The following NET1 variants were observed in gnomAD, a reference collection of about 807,000 sequenced individuals.
NET1 encodes neuroepithelial cell-transforming gene 1 protein.
Under a neutral mutation model 61.1 loss-of-function variants are expected in NET1, and 42 were observed. The ratio of observed to expected loss-of-function variants is 0.69; its 90% CI spans 0.54 to 0.89. The LOEUF is 0.89. Ranked by LOEUF, NET1 falls within the 40% of genes least tolerant of loss-of-function variation. The pLI, the probability that NET1 is intolerant of heterozygous loss-of-function variation, is 0.00. For missense variants in NET1, 654 were observed against 747.3 expected (o/e 0.88, Z 1.46); for synonymous variants, 254 against 281.8 (o/e 0.90, Z 0.99).
rs56676146 is a variant in NET1 at position 5,449,532 on chromosome 10, A to G, written c.256-2298A>G. Among the ~76,000 whole-genome samples the G allele has an allele frequency of 0.27, 41,032 of 152,120 alleles. 5,705 individuals carry two copies. The highest frequency in any genetic ancestry group is 0.28 in the Non-Finnish European group (19,356 of 67,978). ...ACCACCAAATACCACTTGGCATAAT[A>G]TGCTGCCACCCTAAAGAGACCACAT... On this transcript the variant is annotated intron_variant, in intron 3 of 11. Transcript: ENST00000355029. This position sits in a 1 kb window ranked among gnomAD's most constrained non-coding sequence, Gnocchi z 4.4.
chr10:5,452,830 AC>A lies in NET1; in HGVS notation c.532-26del. 1.9e-6 allele frequency: 3 copies of A among 1,596,654 alleles called. No individual in the cohort carries two copies. Among genetic ancestry groups the A allele is most frequent in the Non-Finnish European group, 2.6e-6 (3 of 1,172,742 alleles). ...ATAATTTTCCTTTCTCGAAGGAATG[AC>A]CTCTGATGTTTGCTGGATGTTTTTA... On this transcript the variant is annotated intron_variant, in intron 5 of 11. Transcript: ENST00000355029. The surrounding 1 kb of genome is among the most constrained non-coding windows in gnomAD (Gnocchi z 4.0).
Position 5,422,851 on chromosome 10 carries a change from A to G in NET1, c.129-3804A>G, listed in dbSNP as rs1832198215. Among the ~76,000 whole-genome samples, 1 of 152,242 alleles carries G rather than the reference A, an allele frequency of 6.6e-6. No individual in the cohort carries two copies. The highest frequency in any genetic ancestry group is 1.5e-5 in the Non-Finnish European group (1 of 68,046). ...TACATCAGATATTTGACCCAAATAA[A>G]TGAATTGTTTCTATAATAATTTAGT... On this transcript the variant is annotated intron_variant, in intron 1 of 11. Transcript: ENST00000355029. The surrounding 1 kb of genome is among the most constrained non-coding windows in gnomAD (Gnocchi z 4.1).
Position 5,451,323 on chromosome 10 carries a change from C to T in NET1, c.256-507C>T, listed in dbSNP as rs1020431000. On this transcript the variant is annotated intron_variant, in intron 3 of 11. Transcript: ENST00000355029. The surrounding 1 kb of genome is among the most constrained non-coding windows in gnomAD (Gnocchi z 6.1). ...TTGATTGAAAGGTTGTATTTTCTAA[C>T]GGAAGTAGTTAAGAATGAAATGATA... Among the ~76,000 whole-genome samples the T allele has an allele frequency of 2.0e-5, 3 of 151,984 alleles. No individual in the cohort carries two copies. The highest frequency in any genetic ancestry group is 7.2e-5 in the African/African-American group (3 of 41,388).
chr10:5,424,943 T>A lies in NET1; in HGVS notation c.129-1712T>A, dbSNP rs1832235527. On this transcript the variant is annotated intron_variant, in intron 1 of 11. Coordinates refer to ENST00000355029, the MANE Select transcript of NET1 (RefSeq NM_001047160.3). This position sits in a 1 kb window ranked among gnomAD's most constrained non-coding sequence, Gnocchi z 6.1. ...TCCCAACTGAGCAGTCTTGCCTTCT[T>A]ACAATCTATTGTTCACGTTACTTAA... is the stretch of plus-strand genomic sequence containing the variant. 6.6e-6 allele frequency among the ~76,000 whole-genome samples: 1 copy of A among 152,168 alleles called. No homozygotes were observed. The highest frequency in any genetic ancestry group is 2.1e-4 in the South Asian group (1 of 4,830).
rs4881441 is a variant in NET1, at chr10:5,427,478, A to G, written c.195+757A>G. On this transcript the variant is annotated intron_variant, in intron 2 of 11. Coordinates refer to ENST00000355029, the MANE Select transcript of NET1 (RefSeq NM_001047160.3). This position sits in a 1 kb window ranked among gnomAD's most constrained non-coding sequence, Gnocchi z 4.1. ...CCCAGGCTCTGCTCTAACCATGTCAACAGTACCATATGTATCCTTCTATAT... is the reference window on the plus strand; with the variant it reads ...CCCAGGCTCTGCTCTAACCATGTCAGCAGTACCATATGTATCCTTCTATAT... 0.97 allele frequency among the ~76,000 whole-genome samples: 147,694 copies of G among 152,260 alleles called. 71,748 individuals are homozygous for G. Among genetic ancestry groups the G allele is most frequent in the Non-Finnish European group, 1 (67,976 of 68,028 alleles).
chr10:5,436,253 T>A (rs1229257644), intron 3 of NET1, among the ~76,000 whole-genome samples: 520 of 50,650 alleles, frequency 0.01, 20 homozygotes, highest in African/African-American at 0.026. Flanking sequence ...TATATATTTT[T>A]TTTTTTTTTT....
chr10:5,451,926 CA>C lies in NET1; in HGVS notation c.355del (p.Thr119GlnfsTer46). 6.2e-7 allele frequency: 1 copy of C among 1,612,758 alleles called. No individual in the cohort carries two copies. The highest frequency in any genetic ancestry group is 1.3e-5 in the African/African-American group (1 of 74,978). On this transcript the variant is annotated frameshift_variant, in exon 4 of 12. Coordinates refer to ENST00000355029, the MANE Select transcript of NET1 (RefSeq NM_001047160.3). LOFTEE classifies it high-confidence loss of function. This position sits in a 1 kb window ranked among gnomAD's most constrained non-coding sequence, Gnocchi z 6.1. ...VRNGAVRRFGQTIQSFTLRGD... is the reference protein window; with the variant it reads ...VRNGAVRRFGXTIQSFTLRGD... ...AAATGGAGCTGTCAGACGTTTTGGT[CA>C]AACAATACAGGTAAAAAGAGAGGAG...
chr10:5,455,585 T>C lies in NET1; in HGVS notation c.1197+467T>C, dbSNP rs1832783343. On this transcript the variant is annotated intron_variant, in intron 10 of 11. Coordinates refer to ENST00000355029, the MANE Select transcript of NET1 (RefSeq NM_001047160.3). The surrounding 1 kb of genome is among the most constrained non-coding windows in gnomAD (Gnocchi z 6.5). Reference sequence around the variant, plus strand: ...ACGGAATGGTATTTTTGTTTCATCATGCATTTTCAAAAGCCCAATTTATAA... The same window carrying C: ...ACGGAATGGTATTTTTGTTTCATCACGCATTTTCAAAAGCCCAATTTATAA... Among the ~76,000 whole-genome samples, 1 of 152,246 alleles carries C rather than the reference T, an allele frequency of 6.6e-6. No homozygotes were observed. Among genetic ancestry groups the C allele is most frequent in the Non-Finnish European group, 1.5e-5 (1 of 68,038 alleles).
rs1832792864 is a variant in NET1 at position 5,456,129 on chromosome 10, C to T, written c.1240C>T (p.Arg414Trp). 6.2e-7 allele frequency: 1 copy of T among 1,614,078 alleles called. No individual in the cohort carries two copies. Residue 414 changes from arginine to tryptophan, a missense_variant, in exon 11 of 12, where the codon CGG becomes TGG. By Grantham distance (101) the Arg-to-Trp change is moderately radical. Coordinates refer to ENST00000355029, the MANE Select transcript of NET1 (RefSeq NM_001047160.3). This position sits in a 1 kb window ranked among gnomAD's most constrained non-coding sequence, Gnocchi z 7.0. ...FLFQDILVLT[R>W]PVTRNERHSY... ...GTTTCAAGACATCTTGGTTCTGACT[C>T]GGCCCGTCACACGGAACGAACGGCA... is the stretch of plus-strand genomic sequence containing the variant.
chr10:5,450,206 T>G (rs1472248932), intron 3 of NET1, among the ~76,000 whole-genome samples: 1 of 152,220 alleles, frequency 6.6e-6, no homozygotes, highest in Non-Finnish European at 1.5e-5. Context: ...AGTTGATTAT[T>G]TGGTATGAGG....
rs143516043 is a variant in NET1 at position 5,431,400 on chromosome 10, T to C, written c.255+2171T>C. 2.0e-5 allele frequency among the ~76,000 whole-genome samples: 3 copies of C among 152,292 alleles called. No homozygotes were observed. Among genetic ancestry groups the C allele is most frequent in the Admixed American group, 6.5e-5 (1 of 15,306 alleles). On this transcript the variant is annotated intron_variant, in intron 3 of 11. Transcript: ENST00000355029. The surrounding 1 kb of genome is among the most constrained non-coding windows in gnomAD (Gnocchi z 4.9). ...AGAGAGCTGATCCAGTGTGGGTTTT[T>C]TGGGCCATGTACTTACCTCAAAAAG...
chr10:5,418,579 T>C (rs1364645879), intron 1 of NET1, among the ~76,000 whole-genome samples: 1 of 152,160 alleles, frequency 6.6e-6, no homozygotes, highest in Non-Finnish European at 1.5e-5. Context: ...TCAATCTTGA[T>C]CTTTCCAAAG....
chr10:5,436,618 C>T (rs1186181228), intron 3 of NET1, among the ~76,000 whole-genome samples: 1 of 151,966 alleles, frequency 6.6e-6, no homozygotes, highest in Non-Finnish European at 1.5e-5. Context: ...TAATAAATAA[C>T]ATATAAATGA....
At chr10:5,419,984 G>T (rs572208541) in intron 1 of NET1, among the ~76,000 whole-genome samples, 3 of 152,124 alleles carry the variant, frequency 2.0e-5, no homozygotes, top group South Asian at 4.1e-4. Flanking sequence ...TGATGTGTCT[G>T]TCTGTGGATA....
In NET1 at chr10:5,456,877, T is replaced by C; in HGVS notation, c.1674T>C (p.Ser558=). 6.2e-7 allele frequency: 1 copy of C among 1,614,114 alleles called. No individual in the cohort carries two copies. Among genetic ancestry groups the C allele is most frequent in the Non-Finnish European group, 8.5e-7 (1 of 1,180,010 alleles). ...EVDENAYRCG[S]GMQMAEDSKS... is the part of the protein sequence containing the mutation. Reference sequence around the variant, plus strand: ...ATGAAAACGCTTACAGATGTGGCTCTGGCATGCAGATGGCAGAGGACAGCA... The same window carrying C: ...ATGAAAACGCTTACAGATGTGGCTCCGGCATGCAGATGGCAGAGGACAGCA... Residue 558 remains serine (S), a synonymous_variant, in exon 12 of 12, where the codon TCT becomes TCC. Transcript: ENST00000355029. The surrounding 1 kb of genome is among the most constrained non-coding windows in gnomAD (Gnocchi z 7.0).
rs554056329 is a variant in NET1 at position 5,442,522 on chromosome 10, A to G, written c.256-9308A>G. Among the ~76,000 whole-genome samples, 5 of 152,354 alleles carry G rather than the reference A, an allele frequency of 3.3e-5. No individual in the cohort carries two copies. The South Asian group carries it at 6.2e-4, about 19-fold the overall frequency. On this transcript the variant is annotated intron_variant, in intron 3 of 11. Coordinates refer to ENST00000355029, the MANE Select transcript of NET1 (RefSeq NM_001047160.3). ...CTTTACATAACTCAGTTACGTTTAT[A>G]AATTCTAGATGTTCTATAGAAAGAA... is the stretch of plus-strand genomic sequence containing the variant.
In NET1 at chr10:5,446,786, T is replaced by G. The variant is rs1832620064; in HGVS notation, c.256-5044T>G. 6.2e-7 allele frequency: 1 copy of G among 1,607,546 alleles called. No homozygotes were observed. The highest frequency in any genetic ancestry group is 1.3e-5 in the African/African-American group (1 of 74,814). ...GAAGCATGGTGGCACATGATGAGAC[T>G]GGAGGTCTCCTACCTATTAAAAGGA... On this transcript the variant is annotated intron_variant, in intron 3 of 11. Transcript: ENST00000355029. The surrounding 1 kb of genome is among the most constrained non-coding windows in gnomAD (Gnocchi z 5.0).
rs538542403 is a variant in NET1 at position 5,431,033 on chromosome 10, G to A, written c.255+1804G>A. Among the ~76,000 whole-genome samples the A allele has an allele frequency of 9.7e-4, 147 of 151,576 alleles. 1 individual carries two copies. The highest frequency in any genetic ancestry group is 3.2e-3 in the African/African-American group (132 of 41,344). On this transcript the variant is annotated intron_variant, in intron 3 of 11. Transcript: ENST00000355029. This position sits in a 1 kb window ranked among gnomAD's most constrained non-coding sequence, Gnocchi z 4.9. Reference sequence around the variant, plus strand: ...ATTACAGGTGCCCGCCACCACGCCCGGCTAATTTTTTGTATTTTCAGTAGA... The same window carrying A: ...ATTACAGGTGCCCGCCACCACGCCCAGCTAATTTTTTGTATTTTCAGTAGA...
rs148618358 is a variant in NET1 at position 5,445,064 on chromosome 10, A to G, written c.256-6766A>G. Among the ~76,000 whole-genome samples the G allele has an allele frequency of 6.6e-5, 10 of 152,332 alleles. 1 individual carries two copies. The East Asian group carries it at 1.9e-3, about 29-fold the overall frequency. On this transcript the variant is annotated intron_variant, in intron 3 of 11. Transcript: ENST00000355029. ...TGATTTTTGCATGATGTTTTCAGTCATCTTTCAACCATCTTAAACACCAGT... is the reference window on the plus strand; with the variant it reads ...TGATTTTTGCATGATGTTTTCAGTCGTCTTTCAACCATCTTAAACACCAGT...
Sources: gnomAD v4.1 joint callset for allele counts (sites outside exome capture counted in the v4.1 genomes callset) on GRCh38, gnomAD v4.1.1 for gene constraint, Gnocchi (gnomAD v3.1) non-coding constraint, MANE v1.5 for transcripts, NCBI Gene and HGNC (gene_info 2026-07-23, HGNC 2026-07-21) for gene names.